SENP6: variants seen among roughly 807,000 people sequenced by gnomAD.
SENP6 encodes the protein SUMO specific peptidase 6.
Under a neutral mutation model 134.5 loss-of-function variants are expected in SENP6, and 41 were observed. The ratio of observed to expected loss-of-function variants is 0.30; its 90% confidence interval spans 0.24 to 0.40. SENP6 has a LOEUF of 0.40. SENP6 is among the 10% of genes least tolerant of loss of function. The pLI is 1.00. For synonymous variants in SENP6, 395 were observed against 429.8 expected (o/e 0.92, Z 1.00); for missense variants, 1,248 against 1,312.5 (o/e 0.95, Z 0.76).
chr6:75,613,919 G>A (rs1017634898), intron 1 of SENP6, among the ~76,000 whole-genome samples: 1 of 152,180 alleles, frequency 6.6e-6, no homozygotes, highest in Non-Finnish European at 1.5e-5. Flanking sequence ...ATCTGATACA[G>A]AATGATGTAT....
chr6:75,631,205 T>A (rs1769089459), intron 3 of SENP6, among the ~76,000 whole-genome samples: 2 of 152,194 alleles, frequency 1.3e-5, no homozygotes, highest in Non-Finnish European at 2.9e-5. Context: ...TCTATTAGGT[T>A]CTCTTATTAT....
chr6:75,642,531 A>G (rs546491755), intron 6 of SENP6, among the ~76,000 whole-genome samples: 1 of 152,328 alleles, frequency 6.6e-6, no homozygotes, highest in South Asian at 2.1e-4. Context: ...AAGAACAGAA[A>G]AAAGGGGCCA....
rs556984204 is a variant in SENP6, at chr6:75,705,256, T to C, written c.2716+2184T>C. Among the ~76,000 whole-genome samples, 3 of 152,250 alleles carry C rather than the reference T, an allele frequency of 2.0e-5. No homozygotes were observed. In the East Asian group the frequency reaches 5.8e-4, roughly 29 times the overall value. On this transcript the variant is annotated intron_variant, in intron 19 of 23. Coordinates refer to ENST00000447266, the MANE Select transcript of SENP6 (RefSeq NM_015571.4). ...TCCTGTAGTTGTAGAACCTGTTAAATCTAGTTTTGGCCAGGTGTGGTGGCT... is the reference window on the plus strand; with the variant it reads ...TCCTGTAGTTGTAGAACCTGTTAAACCTAGTTTTGGCCAGGTGTGGTGGCT...
At chr6:75,660,045 T>C (rs1484192300) in intron 8 of SENP6, among the ~76,000 whole-genome samples, 1 of 152,222 alleles carries the variant, frequency 6.6e-6, no homozygotes, top group Admixed American at 6.5e-5. Flanking sequence ...ATGTGCTGCA[T>C]TGAATTGCTG....
chr6:75,605,246 A>G (rs1383827844), intron 1 of SENP6, among the ~76,000 whole-genome samples: 1 of 152,186 alleles, frequency 6.6e-6, no homozygotes, highest in South Asian at 2.1e-4. Context: ...CTAGGTTTTC[A>G]TTTGCTCATC....
At chr6:75,621,679 AAAAAC>A in intron 2 of SENP6, 54 bp downstream of exon 2, 1 of 1,046,968 alleles carries the variant, frequency 9.6e-7, no homozygotes, top group Non-Finnish European at 1.4e-6. Context: ...TTCTCATTAG[AAAAAC>A]AATTTCTATT....
chr6:75,614,272 T>G (rs112536008), intron 1 of SENP6, among the ~76,000 whole-genome samples: 42,814 of 150,374 alleles, frequency 0.28, 6,583 homozygotes, highest in Non-Finnish European at 0.36. Flanking sequence ...TTTTTTTTTT[T>G]TTTTTTTGTT....
chr6:75,644,822 G>A (rs1770311383), intron 6 of SENP6, among the ~76,000 whole-genome samples: 1 of 152,154 alleles, frequency 6.6e-6, no homozygotes, highest in Non-Finnish European at 1.5e-5. Context: ...TCGTAATAGT[G>A]TACCAGTGTT....
intron 3 of SENP6, among the ~76,000 whole-genome samples, chr6:75,628,844 C>T (rs1293506968): frequency 6.6e-6 from 1 of 152,094 alleles, no homozygotes; most frequent in Non-Finnish European, 1.5e-5. Context: ...CTCAGCCTCC[C>T]AAGTAGCTGG....
At chr6:75,624,166 A>G (rs540311372) in intron 3 of SENP6, among the ~76,000 whole-genome samples, 1 of 152,248 alleles carries the variant, frequency 6.6e-6, no homozygotes, top group South Asian at 2.1e-4. Context: ...CCCATGTTAC[A>G]CAATTGGTAA....
At chr6:75,684,611 A>G (rs528377129) in intron 16 of SENP6, among the ~76,000 whole-genome samples, 3 of 151,978 alleles carry the variant, frequency 2.0e-5, no homozygotes, top group Non-Finnish European at 4.4e-5. Context: ...GCATGAAGGG[A>G]TGTTGAATTT....
intron 7 of SENP6, among the ~76,000 whole-genome samples, chr6:75,650,921 A>G (rs1485609171): frequency 1.3e-5 from 2 of 152,028 alleles, no homozygotes; most frequent in Non-Finnish European, 2.9e-5. Flanking sequence ...ACTCAAGGTG[A>G]TTTTCTTTAT....
In SENP6 at chr6:75,697,459, T is replaced by TG. The variant is rs1289841324; in HGVS notation, c.2232dup (p.Thr745AspfsTer8). 6.2e-7 allele frequency: 1 copy of TG among 1,613,716 alleles called. No homozygotes were observed. The highest frequency in any genetic ancestry group is 1.7e-5 in the Admixed American group (1 of 59,986). ...AAAACGGCATGGGAGAGTAAAAACA[T>TG]GGACCCGGCACGTAGATATTTTTGA... On this transcript the variant is annotated frameshift_variant, in exon 18 of 24. Transcript: ENST00000447266. LOFTEE classifies it high-confidence loss of function.
Position 75,716,753 on chromosome 6 carries a change from C to T in SENP6, c.*1159C>T, listed in dbSNP as rs1482604151. On this transcript the variant is annotated 3_prime_UTR_variant, in exon 24 of 24. Coordinates refer to ENST00000447266, the MANE Select transcript of SENP6 (RefSeq NM_015571.4). ...TACTTCTTTCAAATGAACTTTGAGA[C>T]TTGAAACATATTTTAGTCATTTTTT... 6.6e-6 allele frequency: 1 copy of T among 151,854 alleles called. No individual in the cohort carries two copies. Among genetic ancestry groups the T allele is most frequent in the Non-Finnish European group, 1.5e-5 (1 of 67,832 alleles). The allele number at this position is 151,854 out of a possible 1,614,324, so 9.4% of individuals were successfully genotyped here. A position where few individuals can be genotyped will look rare whatever the true frequency, so the allele number is the denominator to read the frequency against.
intron 16 of SENP6, among the ~76,000 whole-genome samples, chr6:75,693,997 CT>C (rs1236976931): frequency 6.6e-6 from 1 of 152,186 alleles, no homozygotes; most frequent in African/African-American, 2.4e-5. Context: ...TGGCTCACGC[CT>C]GTAATCCCAG....
At chr6:75,630,675 TTC>T (rs1401435897) in intron 3 of SENP6, among the ~76,000 whole-genome samples, 1 of 152,230 alleles carries the variant, frequency 6.6e-6, no homozygotes, top group Non-Finnish European at 1.5e-5. Context: ...ATCTTTCCCC[TTC>T]TCTTTCACAG....
intron 1 of SENP6, among the ~76,000 whole-genome samples, chr6:75,620,506 T>C (rs1348277963): frequency 1.3e-5 from 2 of 152,154 alleles, no homozygotes; most frequent in East Asian, 3.9e-4. Context: ...TGGGCCTCTT[T>C]GATAAGGGCA....
In SENP6 at chr6:75,713,538, C is replaced by T. The variant is rs746651248; in HGVS notation, c.2935C>T (p.Leu979Phe). 13 of 1,613,756 alleles carry T rather than the reference C, an allele frequency of 8.1e-6. No homozygotes were observed. Among genetic ancestry groups the T allele is most frequent in the Non-Finnish European group, 1.0e-5 (12 of 1,179,806 alleles). Reference protein sequence around the residue: ...KQPCILLMDSLRGPSRSNVVK... With the variant: ...KQPCILLMDSFRGPSRSNVVK... The stretch of plus-strand genomic sequence containing the variant: ...ACCTTGTATCCTACTTATGGACTCA[C>T]TCCGAGGCCCTTCTCGGTCAAATGT... Residue 979 changes from leucine to phenylalanine, a missense_variant, in exon 22 of 24, where the codon CTC (leucine) becomes TTC (phenylalanine). Around this residue, in one of 3 missense-constraint regions of SENP6, gnomAD observed 386 missense variants for 395.0 expected, o/e 0.98. Transcript: ENST00000447266.
intron 19 of SENP6, among the ~76,000 whole-genome samples, chr6:75,705,703 C>A (rs1775344339): frequency 6.6e-6 from 1 of 151,602 alleles, no homozygotes; most frequent in African/African-American, 2.4e-5. Flanking sequence ...GCCTTGCAAA[C>A]TTCTTAAACT....
Sources: allele counts gnomAD v4.1 joint callset (sites outside exome capture counted in the v4.1 genomes callset), GRCh38; gene constraint gnomAD v4.1.1; regional missense constraint gnomAD v4.1.1; transcripts MANE v1.5; gene names NCBI Gene and HGNC (gene_info 2026-07-23, HGNC 2026-07-21).